Variants in CCDC148 observed in about 807,000 individuals in gnomAD.
CCDC148 encodes the protein coiled-coil domain containing 148, also known as coiled-coil domain-containing protein 148.
Under a neutral mutation model 85.7 loss-of-function variants are expected in CCDC148, and 89 were observed. The ratio of observed to expected loss-of-function variants is 1.04; its 90% CI spans 0.87 to 1.24. The LOEUF (loss-of-function observed/expected upper bound fraction) is 1.24. CCDC148 is among the 50% of genes most tolerant of loss of function. The pLI is 0.00. For missense variants in CCDC148, 692 were observed against 671.7 expected (o/e 1.03, Z -0.33); for synonymous variants, 230 against 213.9 (o/e 1.08, Z -0.66).
chr2:158,194,885 C>T (rs1385467542), intron 11 of CCDC148, among the ~76,000 whole-genome samples: 1 of 152,038 alleles, frequency 6.6e-6, no homozygotes, highest in Non-Finnish European at 1.5e-5. Flanking sequence ...CATCCCATCC[C>T]CCATCTGCTC....
chr2:158,224,756 G>C (rs900750637), intron 10 of CCDC148, among the ~76,000 whole-genome samples: 11 of 152,202 alleles, frequency 7.2e-5, no homozygotes, highest in African/African-American at 2.7e-4. Flanking sequence ...CAAATGCTGA[G>C]AGATTTTGTC....
At chr2:158,400,219 A>C (rs1307406275) in intron 1 of CCDC148, among the ~76,000 whole-genome samples, 14 of 152,190 alleles carry the variant, frequency 9.2e-5, no homozygotes, top group Non-Finnish European at 2.1e-4. Context: ...TTCAAAGTTC[A>C]TATGAAACCA....
At chr2:158,342,778 A>T (rs1396110337) in intron 3 of CCDC148, among the ~76,000 whole-genome samples, 1 of 152,154 alleles carries the variant, frequency 6.6e-6, no homozygotes, top group African/African-American at 2.4e-5. Context: ...ATCTGGGCAA[A>T]CGAGCACACA....
At chr2:158,371,342 G>C (rs979662462) in intron 1 of CCDC148, among the ~76,000 whole-genome samples, 2 of 151,798 alleles carry the variant, frequency 1.3e-5, no homozygotes, top group African/African-American at 4.8e-5. Context: ...AATGCTCTTT[G>C]GGAAATAAGT....
intron 1 of CCDC148, among the ~76,000 whole-genome samples, chr2:158,430,745 T>C (rs930849134): frequency 6.6e-6 from 1 of 152,110 alleles, no homozygotes; most frequent in Non-Finnish European, 1.5e-5. Context: ...TATGTATGAA[T>C]TTTAAAAAGC....
At chr2:158,424,587 G>A (rs1227282210) in intron 1 of CCDC148, 1 of 154,106 alleles carries the variant, frequency 6.5e-6, no homozygotes, top group African/African-American at 2.4e-5. Flanking sequence ...GGAGTGGGGA[G>A]GGATAACATT....
chr2:158,447,661 A>G (rs910317912), intron 1 of CCDC148, among the ~76,000 whole-genome samples: 2 of 152,132 alleles, frequency 1.3e-5, no homozygotes, highest in Admixed American at 1.3e-4. Flanking sequence ...AATATGTTGA[A>G]CATCTTTTCA....
chr2:158,332,684 C>G (rs919059684), intron 7 of CCDC148, among the ~76,000 whole-genome samples: 1 of 151,826 alleles, frequency 6.6e-6, no homozygotes, highest in Admixed American at 6.6e-5. Context: ...TGGTTGTAGG[C>G]TATTAATTAC....
In CCDC148 at chr2:158,362,404, T is replaced by C. The variant is rs114128236; in HGVS notation, c.26-3834A>G. On this transcript the variant is annotated intron_variant, in intron 1 of 13. Coordinates refer to ENST00000283233, the MANE Select transcript of CCDC148 (RefSeq NM_138803.4). ...GCACCACATCGCACTTACTTTAAAA[T>C]TGACCACAAAGTTGGAAGTAAAACG... Among the ~76,000 whole-genome samples the C allele has an allele frequency of 7.4e-3, 1,133 of 152,256 alleles. 20 individuals carry two copies. The highest frequency in any genetic ancestry group is 0.026 in the African/African-American group (1,077 of 41,550).
chr2:158,176,230 C>T (rs537589896), intron 13 of CCDC148, among the ~76,000 whole-genome samples: 24 of 151,794 alleles, frequency 1.6e-4, no homozygotes, highest in African/African-American at 5.8e-4. Context: ...TAATACAGAG[C>T]TCTCAAATAA....
At chr2:158,406,624 T>TGTTTTTTTTTTTTTTTTTTG (rs1423803250) in intron 1 of CCDC148, among the ~76,000 whole-genome samples, 12 of 24,810 alleles carry the variant, frequency 4.8e-4, no homozygotes, top group South Asian at 4.2e-3. Flanking sequence ...TTTTTTTTTT[T>TGTTTTTTTTTTTTTTTTTTG]TTTTTTTTTT....
At chr2:158,415,508 A>C (rs113125390) in intron 1 of CCDC148, among the ~76,000 whole-genome samples, 1,477 of 92,024 alleles carry the variant, frequency 0.016, no homozygotes, top group South Asian at 0.025. Flanking sequence ...AAATTGCAAA[A>C]TACAATCATC....
At chr2:158,455,688 T>C (rs1688637274) in intron 1 of CCDC148, among the ~76,000 whole-genome samples, 1 of 152,294 alleles carries the variant, frequency 6.6e-6, no homozygotes, top group Non-Finnish European at 1.5e-5. Flanking sequence ...GCCAAAAGAA[T>C]GTAAGAATAT....
chr2:158,220,596 T>C lies in CCDC148; in HGVS notation c.1369A>G (p.Arg457Gly). Residue 457 changes from arginine to glycine, a missense_variant and splice_region_variant, in exon 11 of 14, where the codon AGG (arginine) becomes GGG (glycine). By Grantham distance (125) the Arg-to-Gly change is moderately radical. Transcript: ENST00000283233. ...ACACAATTTTAAATTTTCTTTTACC[T>C]TTCTCTGTCTTTTAGTGACTGTTCA... is the stretch of plus-strand genomic sequence containing the variant. ...IAEQSLKDRERVKYRQELLER... is the reference protein window; with the variant it reads ...IAEQSLKDREGVKYRQELLER... The C allele has an allele frequency of 6.2e-7, 1 of 1,600,022 alleles. No individual in the cohort carries two copies. Among genetic ancestry groups the C allele is most frequent in the Non-Finnish European group, 8.5e-7 (1 of 1,172,894 alleles).
At chr2:158,337,044 G>T (rs1038189246) in intron 7 of CCDC148, among the ~76,000 whole-genome samples, 8 of 152,140 alleles carry the variant, frequency 5.3e-5, no homozygotes, top group Non-Finnish European at 1.0e-4. Context: ...TTTTAATGTA[G>T]CTGTGAATCT....
chr2:158,450,435 G>A (rs1270213534), intron 1 of CCDC148, among the ~76,000 whole-genome samples: 6 of 152,170 alleles, frequency 3.9e-5, no homozygotes, highest in African/African-American at 1.2e-4. Flanking sequence ...CAGGTGCCCT[G>A]CATCTGTCTG....
chr2:158,190,907 T>G (rs541025426), intron 11 of CCDC148, among the ~76,000 whole-genome samples: 28 of 152,124 alleles, frequency 1.8e-4, no homozygotes, highest in African/African-American at 6.7e-4. Flanking sequence ...TTCATAAATG[T>G]GTTTTCAGAA....
chr2:158,224,415 C>T (rs1453712385), intron 10 of CCDC148, among the ~76,000 whole-genome samples: 1 of 152,196 alleles, frequency 6.6e-6, no homozygotes, highest in Non-Finnish European at 1.5e-5. Context: ...AGGAGTACTT[C>T]CCCAATCTAG....
At chr2:158,326,125 C>A (rs949675328) in intron 7 of CCDC148, among the ~76,000 whole-genome samples, 4 of 152,148 alleles carry the variant, frequency 2.6e-5, no homozygotes, top group Admixed American at 6.6e-5. Context: ...ACCTCTATGA[C>A]CCCACCTTCT....
Sources: gnomAD v4.1 joint callset for allele counts (sites outside exome capture counted in the v4.1 genomes callset) on GRCh38, gnomAD v4.1.1 for gene constraint, MANE v1.5 for transcripts, NCBI Gene and HGNC (gene_info 2026-07-23, HGNC 2026-07-21) for gene names.